The following ANKRD46 variants were observed in gnomAD, a reference collection of about 807,000 sequenced individuals.
ANKRD46 encodes ankyrin repeat domain-containing protein 46.
ANKRD46 carries 13 observed loss-of-function variants against 19.8 expected under a neutral mutation model. The ratio of observed to expected loss-of-function variants is 0.66; its 90% CI spans 0.43 to 1.04. ANKRD46 has a LOEUF of 1.04. Among genes scored for constraint, ANKRD46 ranks in the 50% least tolerant of loss-of-function variants. ANKRD46 has a pLI of 0.00. For synonymous variants in ANKRD46, 91 were observed against 106.9 expected (o/e 0.85, Z 0.92); for missense variants, 185 against 274.8 (o/e 0.67, Z 2.31).
chr8:100,549,542 A>G (rs923011891), intron 1 of ANKRD46, among the ~76,000 whole-genome samples: 15 of 152,210 alleles, frequency 9.9e-5, no homozygotes, highest in Admixed American at 7.2e-4. Context: ...AGCTGTGAGC[A>G]TATTTTTTAT....
chr8:100,533,002 C>T (rs1811995647), intron 2 of ANKRD46, among the ~76,000 whole-genome samples: 1 of 152,128 alleles, frequency 6.6e-6, no homozygotes, highest in Non-Finnish European at 1.5e-5. Flanking sequence ...GCAAGAAATA[C>T]AAGTCTCTGT....
chr8:100,547,950 A>T (rs1586800399), intron 1 of ANKRD46, among the ~76,000 whole-genome samples: 1 of 151,994 alleles, frequency 6.6e-6, no homozygotes, highest in East Asian at 1.9e-4. Flanking sequence ...ACCCCAGTCA[A>T]TCTCATTAAG....
Position 100,550,683 on chromosome 8 carries a change from C to T in ANKRD46, c.-131+9028G>A. On this transcript the variant is annotated intron_variant, in intron 1 of 4. Coordinates refer to ENST00000335659, the MANE Select transcript of ANKRD46 (RefSeq NM_001270377.2). This position sits in a 1 kb window ranked among gnomAD's most constrained non-coding sequence, Gnocchi z 4.4. ...CTGCCCAGAAGCTGAAGGTCTCTTTCTTCCTCTTGTGCTCTCACTGGGGCT... is the reference window on the plus strand; with the variant it reads ...CTGCCCAGAAGCTGAAGGTCTCTTTTTTCCTCTTGTGCTCTCACTGGGGCT... 1 of 297,154 alleles carries T rather than the reference C, an allele frequency of 3.4e-6. No individual in the cohort carries two copies. The highest frequency in any genetic ancestry group is 6.6e-6 in the Non-Finnish European group (1 of 151,708). 18.4% of individuals were successfully genotyped at this position (297,154 alleles called of 1,614,324 possible).
chr8:100,559,442 C>T lies in ANKRD46; in HGVS notation c.-131+269G>A, dbSNP rs1295611929. The T allele has an allele frequency of 1.3e-5, 2 of 152,370 alleles. No homozygotes were observed. The highest frequency in any genetic ancestry group is 2.9e-5 in the Non-Finnish European group (2 of 68,142). The allele number at this position is 152,370 out of a possible 1,614,324, so 9.4% of individuals were successfully genotyped here. On this transcript the variant is annotated intron_variant, in intron 1 of 4. Transcript: ENST00000335659. This position sits in a 1 kb window ranked among gnomAD's most constrained non-coding sequence, Gnocchi z 6.0. The stretch of plus-strand genomic sequence containing the variant: ...CGCTGCCCAGGGGTTCCCCGGACCA[C>T]AGCCCTAACCCGCAAGCGCAAACGA...
chr8:100,550,901 C>A lies in ANKRD46; in HGVS notation c.-131+8810G>T. On this transcript the variant is annotated intron_variant, in intron 1 of 4. Transcript: ENST00000335659. This position sits in a 1 kb window ranked among gnomAD's most constrained non-coding sequence, Gnocchi z 4.4. ...AAACAACCTGGTGTTCAGTGTAGCC[C>A]AAGATGCCCTTGAGGGGCCCTCTGA... is the stretch of plus-strand genomic sequence containing the variant. 1.7e-6 allele frequency: 1 copy of A among 574,102 alleles called. No homozygotes were observed. The highest frequency in any genetic ancestry group is 4.4e-5 in the East Asian group (1 of 22,950). The allele number at this position is 574,102 out of a possible 1,614,324, so 35.6% of individuals were successfully genotyped here.
At chr8:100,535,091 T>C (rs938607848) in intron 1 of ANKRD46, among the ~76,000 whole-genome samples, 1 of 152,234 alleles carries the variant, frequency 6.6e-6, no homozygotes, top group African/African-American at 2.4e-5. Context: ...GATATTACAA[T>C]GGCCCATAAG....
rs201858629 is a variant in ANKRD46 at position 100,514,366 on chromosome 8, A to AT, written c.637-3728dup. Among the ~76,000 whole-genome samples the AT allele has an allele frequency of 1.4e-4, 22 of 152,186 alleles. 1 individual carries two copies. In the South Asian group the frequency reaches 1.9e-3, roughly 13 times the overall value. ...TAATGATTCCAGCAAATATTTATCT[A>AT]TTTTTAAAAAAAAAATTAGGAGATT... On this transcript the variant is annotated intron_variant, in intron 5 of 5. Transcript: ENST00000520552.
chr8:100,542,252 C>G (rs945602014), intron 1 of ANKRD46, among the ~76,000 whole-genome samples: 3 of 152,118 alleles, frequency 2.0e-5, no homozygotes, highest in Non-Finnish European at 2.9e-5. Context: ...GAATTCTTTA[C>G]GTATCCTTAT....
chr8:100,538,044 T>C (rs555419687), intron 1 of ANKRD46, among the ~76,000 whole-genome samples: 12 of 152,244 alleles, frequency 7.9e-5, no homozygotes, highest in Admixed American at 7.2e-4. Flanking sequence ...AAGAAATGGG[T>C]CTGATTTGTC....
In ANKRD46 at chr8:100,534,179, T is replaced by C. The variant is rs1812018351; in HGVS notation, c.-130-868A>G. Among the ~76,000 whole-genome samples the C allele has an allele frequency of 6.6e-6, 1 of 152,252 alleles. No individual in the cohort carries two copies. Among genetic ancestry groups the C allele is most frequent in the African/African-American group, 2.4e-5 (1 of 41,462 alleles). ...CTTTTTACCGATCATCCTTGTTCATTGTTATCAAATCCCTGTGAACAAATT... is the reference window on the plus strand; with the variant it reads ...CTTTTTACCGATCATCCTTGTTCATCGTTATCAAATCCCTGTGAACAAATT... On this transcript the variant is annotated intron_variant, in intron 1 of 4. Transcript: ENST00000335659. This position sits in a 1 kb window ranked among gnomAD's most constrained non-coding sequence, Gnocchi z 4.2.
chr8:100,515,661 A>AGGGGGGGGGGGGGGGGGGGGGGGGGGG (rs368942546), intron 5 of ANKRD46, among the ~76,000 whole-genome samples: 1 of 59,972 alleles, frequency 1.7e-5, no homozygotes, highest in African/African-American at 6.2e-5. Flanking sequence ...GGTGCGGGGG[A>AGGGGGGGGGGGGGGGGGGGGGGGGGGG]GGGGGGGGGC....
In ANKRD46 at chr8:100,511,794, C is replaced by G. The variant is rs377190416; in HGVS notation, c.637-1155G>C. On this transcript the variant is annotated intron_variant, in intron 5 of 5. Coordinates refer to the ANKRD46 transcript ENST00000520552. The surrounding 1 kb of genome is among the most constrained non-coding windows in gnomAD (Gnocchi z 4.1). The stretch of plus-strand genomic sequence containing the variant: ...ATCCCAGCACTTTGGGAGGTCAATG[C>G]GGGCAGATCACTTGAGGTCAGGAGT... Among the ~76,000 whole-genome samples the G allele has an allele frequency of 6.6e-6, 1 of 152,144 alleles. No individual in the cohort carries two copies. Among genetic ancestry groups the G allele is most frequent in the Non-Finnish European group, 1.5e-5 (1 of 68,022 alleles).
At chr8:100,542,751 T>C (rs1812199599) in intron 1 of ANKRD46, among the ~76,000 whole-genome samples, 1 of 152,100 alleles carries the variant, frequency 6.6e-6, no homozygotes, top group African/African-American at 2.4e-5. Context: ...TAAAGGATTA[T>C]AGGCAGAAGT....
In ANKRD46 at chr8:100,559,389, C is replaced by G. The variant is rs184865115; in HGVS notation, c.-131+322G>C. 3.0e-3 allele frequency: 452 copies of G among 152,594 alleles called. 4 individuals carry two copies. The highest frequency in any genetic ancestry group is 6.7e-3 in the Middle Eastern group (2 of 300). 9.5% of individuals were successfully genotyped at this position (152,594 alleles called of 1,614,324 possible). ...CGGCGTGGCTTCCGCGCTCCACCCCCCGATTAACCGCGAGCCAGGGCTGCC... is the reference window on the plus strand; with the variant it reads ...CGGCGTGGCTTCCGCGCTCCACCCCGCGATTAACCGCGAGCCAGGGCTGCC... On this transcript the variant is annotated intron_variant, in intron 1 of 4. Coordinates refer to ENST00000335659, the MANE Select transcript of ANKRD46 (RefSeq NM_001270377.2). This position sits in a 1 kb window ranked among gnomAD's most constrained non-coding sequence, Gnocchi z 6.0.
rs954331971 is a variant in ANKRD46 at position 100,537,464 on chromosome 8, T to C, written c.-130-4153A>G. ...AAGAAAAGTACTAAAACTGTAAAAA[T>C]GAATGATACACAGTAAATGAAACCC... On this transcript the variant is annotated intron_variant, in intron 1 of 4. Coordinates refer to ENST00000335659, the MANE Select transcript of ANKRD46 (RefSeq NM_001270377.2). The surrounding 1 kb of genome is among the most constrained non-coding windows in gnomAD (Gnocchi z 4.2). 6.6e-6 allele frequency among the ~76,000 whole-genome samples: 1 copy of C among 152,222 alleles called. No individual in the cohort carries two copies. Among genetic ancestry groups the C allele is most frequent in the African/African-American group, 2.4e-5 (1 of 41,462 alleles).
At chr8:100,518,943 A>T (rs1327892501), downstream of ANKRD46, among the ~76,000 whole-genome samples, 1 of 152,240 alleles carries the variant, frequency 6.6e-6, no homozygotes, top group Non-Finnish European at 1.5e-5. Context: ...AGGTTCAGAT[A>T]TCTAAAATTG....
rs1452784310 is a variant in ANKRD46 at position 100,551,637 on chromosome 8, T to C, written c.-131+8074A>G. On this transcript the variant is annotated intron_variant, in intron 1 of 4. Transcript: ENST00000335659. ...TTGATGGTGACAATATCCACTTTAC[T>C]AGAGTTAAAAGCAGCCCTGGTGACC... 5.7e-6 allele frequency: 4 copies of C among 707,408 alleles called. No individual in the cohort carries two copies. In the African/African-American group the frequency reaches 7.1e-5, roughly 13 times the overall value. 43.8% of individuals were successfully genotyped at this position (707,408 alleles called of 1,614,324 possible).
chr8:100,552,092 G>A (rs569224052), intron 1 of ANKRD46, among the ~76,000 whole-genome samples: 10 of 149,608 alleles, frequency 6.7e-5, no homozygotes, highest in Non-Finnish European at 1.2e-4. Context: ...GGAGGTTGCA[G>A]TGAGCCAAGA....
chr8:100,523,630 G>A (rs936154542), intron 4 of ANKRD46, among the ~76,000 whole-genome samples: 2 of 151,902 alleles, frequency 1.3e-5, no homozygotes, highest in Non-Finnish European at 2.9e-5. Flanking sequence ...ATGTGGACTC[G>A]TCTAGTCATC....
Sources: allele counts gnomAD v4.1 joint callset (sites outside exome capture counted in the v4.1 genomes callset), GRCh38; gene constraint gnomAD v4.1.1; non-coding constraint Gnocchi (gnomAD v3.1); transcripts MANE v1.5; gene names NCBI Gene and HGNC (gene_info 2026-07-23, HGNC 2026-07-21).